Variants in MMP16 observed in about 807,000 individuals in gnomAD.
MMP16 encodes matrix metalloproteinase-16.
Under a neutral mutation model 67.8 loss-of-function variants are expected in MMP16, and 12 were observed. The ratio of observed to expected loss-of-function variants is 0.18; its 90% CI spans 0.11 to 0.29. The LOEUF (loss-of-function observed/expected upper bound fraction) is 0.29. Ranked by LOEUF, MMP16 falls within the 10% of genes least tolerant of loss-of-function variation. The pLI, the probability that MMP16 is intolerant of heterozygous loss-of-function variation, is 1.00. For missense variants in MMP16, 475 were observed against 765.7 expected (o/e 0.62, Z 4.48); for synonymous variants, 249 against 255.9 (o/e 0.97, Z 0.26).
chr8:88,093,054 C>A (rs1292219975), intron 6 of MMP16, among the ~76,000 whole-genome samples: 1 of 151,696 alleles, frequency 6.6e-6, no homozygotes, highest in Non-Finnish European at 1.5e-5. Context: ...ATGGGCAATG[C>A]AGACTGTTTA....
chr8:88,243,159 T>G (rs1810058401), intron 1 of MMP16, among the ~76,000 whole-genome samples: 1 of 152,160 alleles, frequency 6.6e-6, no homozygotes, highest in South Asian at 2.1e-4. Flanking sequence ...TTGAAGATAA[T>G]GTCCAAAAAT....
chr8:88,145,430 A>C (rs1315827001), intron 4 of MMP16, among the ~76,000 whole-genome samples: 1 of 151,998 alleles, frequency 6.6e-6, no homozygotes, highest in Non-Finnish European at 1.5e-5. Context: ...ATTATGTGTC[A>C]CATGACTATA....
intron 4 of MMP16, among the ~76,000 whole-genome samples, chr8:88,147,027 T>G (rs984308886): frequency 6.6e-6 from 1 of 152,014 alleles, no homozygotes; most frequent in African/African-American, 2.4e-5. Flanking sequence ...GAATTTTAAT[T>G]TATTACAACA....
At chr8:88,151,836 T>C (rs1255072650) in intron 4 of MMP16, among the ~76,000 whole-genome samples, 3 of 129,756 alleles carry the variant, frequency 2.3e-5, no homozygotes, top group Admixed American at 8.0e-5. Context: ...ATTCAAAAGC[T>C]AGCAGAAGGC....
chr8:88,135,227 G>C (rs1445426872), intron 4 of MMP16, among the ~76,000 whole-genome samples: 1 of 151,694 alleles, frequency 6.6e-6, no homozygotes, highest in African/African-American at 2.4e-5. Context: ...CTGTTAATGA[G>C]CTTAGTCTGA....
At chr8:88,209,007 G>A (rs974383748) in intron 1 of MMP16, among the ~76,000 whole-genome samples, 21 of 151,958 alleles carry the variant, frequency 1.4e-4, no homozygotes, top group Admixed American at 1.3e-4. Flanking sequence ...AAGCCGTGCT[G>A]GAAAACAAAC....
chr8:88,123,942 C>T (rs1783779442), intron 4 of MMP16, among the ~76,000 whole-genome samples: 1 of 151,866 alleles, frequency 6.6e-6, no homozygotes, highest in African/African-American at 2.4e-5. Flanking sequence ...TGGGCTGCTC[C>T]CCTAGTGCCT....
intron 1 of MMP16, among the ~76,000 whole-genome samples, chr8:88,247,083 G>C (rs955625617): frequency 6.6e-6 from 1 of 152,098 alleles, no homozygotes; most frequent in Non-Finnish European, 1.5e-5. Context: ...GAAGAATAAA[G>C]ATAACCAATA....
chr8:88,291,499 T>G (rs1267774102), intron 1 of MMP16, among the ~76,000 whole-genome samples: 2 of 152,150 alleles, frequency 1.3e-5, no homozygotes, highest in African/African-American at 4.8e-5. Context: ...GACAGATATT[T>G]CAAAACTTCA....
chr8:88,071,419 A>C (rs1389294776), intron 7 of MMP16, among the ~76,000 whole-genome samples: 1 of 152,128 alleles, frequency 6.6e-6, no homozygotes, highest in African/African-American at 2.4e-5. Flanking sequence ...GACTTTAGTT[A>C]AATAGGGGAA....
At chr8:88,147,678 TG>T (rs1456590782) in intron 4 of MMP16, among the ~76,000 whole-genome samples, 1 of 151,652 alleles carries the variant, frequency 6.6e-6, no homozygotes, top group Admixed American at 6.6e-5. Context: ...CCAGTGACTA[TG>T]GGAGTTTCCT....
rs1001993080 is a variant in MMP16, at chr8:88,132,182, T to TA, written c.710-13322dup. ...TACTCGTACATCCCTTTGTGAAAAGTAAAAAAAATAAAGATTGTGTATATA... is the reference window on the plus strand; with the variant it reads ...TACTCGTACATCCCTTTGTGAAAAGTAAAAAAAAATAAAGATTGTGTATATA... On this transcript the variant is annotated intron_variant, in intron 4 of 9. Transcript: ENST00000286614. Among the ~76,000 whole-genome samples, 7 of 151,666 alleles carry TA rather than the reference T, an allele frequency of 4.6e-5. No homozygotes were observed. In the East Asian group the frequency reaches 7.8e-4, roughly 17 times the overall value.
Position 88,327,344 on chromosome 8 carries a change from A to G in MMP16, c.-138T>C. 1 of 1,158,222 alleles carries G rather than the reference A, an allele frequency of 8.6e-7. No individual in the cohort carries two copies. The highest frequency in any genetic ancestry group is 1.2e-6 in the Non-Finnish European group (1 of 821,490). 71.7% of individuals were successfully genotyped at this position (1,158,222 alleles called of 1,614,324 possible). A position where few individuals can be genotyped will look rare whatever the true frequency, so the allele number is the denominator to read the frequency against. ...CTGCAGGTTCACCCACAGCCGGGCA[A>G]GGGGAGGAGACAGGGGCCCCGCGCT... On this transcript the variant is annotated 5_prime_UTR_variant, in exon 1 of 10. Coordinates refer to ENST00000286614, the MANE Select transcript of MMP16 (RefSeq NM_005941.5).
rs200104505 is a variant in MMP16, at chr8:88,074,598, T to C, written c.1222+7A>G. On this transcript the variant is annotated splice_region_variant and intron_variant, in intron 7 of 9. Coordinates refer to ENST00000286614, the MANE Select transcript of MMP16 (RefSeq NM_005941.5). Reference sequence around the variant, plus strand: ...ACAACATAGCCAGATATGGAAAACATCCTTACCTTTAAAGAACACAAAATT... The same window carrying C: ...ACAACATAGCCAGATATGGAAAACACCCTTACCTTTAAAGAACACAAAATT... 4.3e-6 allele frequency: 7 copies of C among 1,612,864 alleles called. No individual in the cohort carries two copies. Among genetic ancestry groups the C allele is most frequent in the Non-Finnish European group, 5.9e-6 (7 of 1,179,320 alleles).
At chr8:88,055,281 C>T (rs890710418) in intron 8 of MMP16, among the ~76,000 whole-genome samples, 2 of 152,122 alleles carry the variant, frequency 1.3e-5, no homozygotes, top group South Asian at 2.1e-4. Flanking sequence ...AATCTCAGCT[C>T]ACTGCAGCCT....
At chr8:88,109,235 T>C (rs924374577) in intron 6 of MMP16, among the ~76,000 whole-genome samples, 1 of 151,408 alleles carries the variant, frequency 6.6e-6, no homozygotes, top group African/African-American at 2.4e-5. Flanking sequence ...TACATTTTAT[T>C]TTTTTCTGTG....
chr8:88,320,280 G>A (rs1326935698), intron 1 of MMP16, among the ~76,000 whole-genome samples: 5 of 152,144 alleles, frequency 3.3e-5, no homozygotes, highest in South Asian at 4.1e-4. Flanking sequence ...CTTTAGTCTC[G>A]TGAGCTTTTA....
intron 6 of MMP16, among the ~76,000 whole-genome samples, chr8:88,083,035 TA>T (rs1441981233): frequency 2.0e-5 from 3 of 152,100 alleles, no homozygotes; most frequent in Middle Eastern, 6.8e-3. Context: ...ATTTTATGGT[TA>T]AAAGGATTTC....
intron 6 of MMP16, among the ~76,000 whole-genome samples, chr8:88,107,055 C>T (rs1809254288): frequency 6.6e-6 from 1 of 151,054 alleles, no homozygotes; most frequent in African/African-American, 2.4e-5. Flanking sequence ...TTAATATTTC[C>T]ATTTAAATAG....
Sources: allele counts gnomAD v4.1 joint callset (sites outside exome capture counted in the v4.1 genomes callset), GRCh38; gene constraint gnomAD v4.1.1; transcripts MANE v1.5; gene names NCBI Gene and HGNC (gene_info 2026-07-23, HGNC 2026-07-21).